Variants in COL22A1 observed in about 807,000 individuals in gnomAD.
The protein encoded by COL22A1 is collagen alpha-1(XXII) chain.
COL22A1 carries 221 observed loss-of-function variants against 248.9 expected under a neutral mutation model. That is an observed-to-expected ratio of 0.89 (90% confidence interval 0.80 to 0.99). The LOEUF (loss-of-function observed/expected upper bound fraction) is 0.99. Among genes scored for constraint, COL22A1 ranks in the 50% least tolerant of loss-of-function variants. The pLI, the probability that COL22A1 is intolerant of heterozygous loss-of-function variation, is 0.00. For synonymous variants in COL22A1, 891 were observed against 793.4 expected, an observed-to-expected ratio of 1.12 and a Z score of -2.07; for missense variants, 2,240 against 2,179.0, an observed-to-expected ratio of 1.03 and a Z score of -0.56.
At chr8:138,832,975 G>A in intron 5 of COL22A1, 64 bp downstream of exon 5, 5 of 1,069,822 alleles carry the variant, frequency 4.7e-6, no homozygotes, top group Non-Finnish European at 7.3e-6. Flanking sequence ...CAGGCTGCTG[G>A]GCCCCTTTCT....
intron 43 of COL22A1, among the ~76,000 whole-genome samples, chr8:138,660,819 TACACAC>T (rs141359015): frequency 4.5e-5 from 6 of 133,594 alleles, no homozygotes; most frequent in Non-Finnish European, 9.3e-5. Context: ...CATACACACA[TACACAC>T]ACATACACAC....
intron 56 of COL22A1, among the ~76,000 whole-genome samples, chr8:138,611,485 C>G (rs556352811): frequency 1.3e-5 from 2 of 152,364 alleles, no homozygotes; most frequent in East Asian, 3.9e-4. Context: ...TCCTGGGGGG[C>G]TCTGGAGCAG....
Position 138,808,207 on chromosome 8 carries a change from C to T in COL22A1, c.1450-395G>A, listed in dbSNP as rs544543217. On this transcript the variant is annotated intron_variant, in intron 9 of 64. Transcript: ENST00000303045. Reference sequence around the variant, plus strand: ...CACACACGTTGTCAAAGACTACATGCCTCAGACAGGAGGAATAATGAATGG... The same window carrying T: ...CACACACGTTGTCAAAGACTACATGTCTCAGACAGGAGGAATAATGAATGG... Among the ~76,000 whole-genome samples the T allele has an allele frequency of 3.3e-5, 5 of 152,210 alleles. No individual in the cohort carries two copies. The South Asian group carries it at 1.0e-3, about 32-fold the overall frequency.
chr8:138,776,805 A>G (rs903682092), intron 15 of COL22A1, among the ~76,000 whole-genome samples: 45 of 152,202 alleles, frequency 3.0e-4, no homozygotes, highest in African/African-American at 1.1e-3. Context: ...CTTGGTAGGC[A>G]CTAATACACA....
At chr8:138,900,269 TA>T (rs1242326171) in intron 1 of COL22A1, among the ~76,000 whole-genome samples, 2 of 152,214 alleles carry the variant, frequency 1.3e-5, no homozygotes, top group East Asian at 1.9e-4. Context: ...GGTGGGGAGA[TA>T]AAAAAGAGCT....
chr8:138,794,047 G>A (rs771589146), intron 12 of COL22A1, among the ~76,000 whole-genome samples: 3 of 152,130 alleles, frequency 2.0e-5, no homozygotes, highest in Non-Finnish European at 2.9e-5. Flanking sequence ...TTCATACCCT[G>A]TGCTCGGCCT....
At chr8:138,713,618 T>G (rs373555330) in intron 30 of COL22A1, among the ~76,000 whole-genome samples, 3 of 152,260 alleles carry the variant, frequency 2.0e-5, no homozygotes. Flanking sequence ...GATTTTCCAG[T>G]GGACAAATTC....
intron 5 of COL22A1, among the ~76,000 whole-genome samples, chr8:138,832,310 A>T (rs7009213): frequency 0.56 from 85,344 of 151,878 alleles, 24,457 homozygotes; most frequent in East Asian, 0.67. Flanking sequence ...TTCACTTTGC[A>T]CCGTGGACTC....
intron 6 of COL22A1, among the ~76,000 whole-genome samples, chr8:138,824,831 G>A (rs1278983912): frequency 1.3e-5 from 2 of 152,138 alleles, no homozygotes; most frequent in East Asian, 1.9e-4. Context: ...CTGGTGACGG[G>A]CACTCAACCA....
chr8:138,647,211 G>A (rs1261345695), intron 46 of COL22A1, among the ~76,000 whole-genome samples: 1 of 152,134 alleles, frequency 6.6e-6, no homozygotes, highest in Non-Finnish European at 1.5e-5. Context: ...AGGAACTGAG[G>A]TCTCCATCAA....
chr8:138,705,153 T>A (rs11782608), intron 30 of COL22A1, among the ~76,000 whole-genome samples: 31,941 of 152,124 alleles, frequency 0.21, 3,493 homozygotes, highest in African/African-American at 0.24. Flanking sequence ...AATCTACACC[T>A]GATTGGTGTA....
intron 3 of COL22A1, among the ~76,000 whole-genome samples, chr8:138,866,800 T>C (rs1292511301): frequency 7.2e-6 from 1 of 138,654 alleles, no homozygotes; most frequent in Non-Finnish European, 1.6e-5. Flanking sequence ...TAAGAATACA[T>C]GGCTAACCTC....
At chr8:138,861,415 C>T (rs924110202) in intron 3 of COL22A1, among the ~76,000 whole-genome samples, 1 of 152,184 alleles carries the variant, frequency 6.6e-6, no homozygotes, top group Non-Finnish European at 1.5e-5. Context: ...GTCAGTTATC[C>T]ACCAGTTATC....
At chr8:138,693,776 G>T (rs977418494) in intron 34 of COL22A1, 77 bp from the exon 35 acceptor site, 2 of 1,441,830 alleles carry the variant, frequency 1.4e-6, no homozygotes, top group Non-Finnish European at 1.9e-6. Flanking sequence ...GGGAGGTCTC[G>T]GGAATACCGT....
At chr8:138,604,628 G>A in intron 59 of COL22A1, 106 bp downstream of exon 59, 2 of 890,204 alleles carry the variant, frequency 2.2e-6, no homozygotes, top group Non-Finnish European at 3.7e-6. Context: ...AAGGTAGAGA[G>A]TGTTAAGGCA....
chr8:138,778,554 G>C (rs923956482), intron 14 of COL22A1, 148 bp from the exon 15 acceptor site: 2 of 657,804 alleles, frequency 3.0e-6, no homozygotes, highest in Non-Finnish European at 5.2e-6. Flanking sequence ...CACAGGTCTC[G>C]CCAGCAGACA....
chr8:138,589,499 G>A (rs549844778), intron 64 of COL22A1, 59 bp from the exon 65 acceptor site: 8 of 1,328,680 alleles, frequency 6.0e-6, no homozygotes, highest in South Asian at 3.1e-5. Context: ...GAGGGGATGG[G>A]CCCTGAACTC....
At chr8:138,791,378 G>C (rs1816022154) in intron 12 of COL22A1, among the ~76,000 whole-genome samples, 1 of 152,168 alleles carries the variant, frequency 6.6e-6, no homozygotes, top group Non-Finnish European at 1.5e-5. Flanking sequence ...ATGTCCAGCA[G>C]GATGTGCACA....
At chr8:138,649,477 A>T (rs1822497010) in intron 46 of COL22A1, among the ~76,000 whole-genome samples, 188 bp downstream of exon 46, 1 of 152,190 alleles carries the variant, frequency 6.6e-6, no homozygotes, top group African/African-American at 2.4e-5. Flanking sequence ...AAAGTGACAA[A>T]GACCCATAGA....
Sources: allele counts gnomAD v4.1 joint callset (sites outside exome capture counted in the v4.1 genomes callset), GRCh38; gene constraint gnomAD v4.1.1; transcripts MANE v1.5; gene names NCBI Gene and HGNC (gene_info 2026-07-23, HGNC 2026-07-21).